LGR4: variants seen among roughly 807,000 people sequenced by gnomAD.
LGR4 encodes leucine-rich repeat-containing G protein-coupled receptor 4.
A neutral mutation model predicts 84.8 loss-of-function variants in LGR4; 44 were observed. The ratio of observed to expected loss-of-function variants is 0.52; its 90% confidence interval spans 0.41 to 0.67. LGR4 has a LOEUF of 0.67. Among genes scored for constraint, LGR4 ranks in the 30% least tolerant of loss-of-function variants. The probability of loss-of-function intolerance (pLI) is 0.00; values close to 1 mark genes in which losing one functional copy is unlikely to be tolerated. For missense variants in LGR4, 1,032 were observed against 1,131.4 expected (o/e 0.91, Z 1.26); for synonymous variants, 429 against 434.3 (o/e 0.99, Z 0.15).
At chr11:27,461,358 T>C (rs79555978) in intron 1 of LGR4, among the ~76,000 whole-genome samples, 2 of 149,258 alleles carry the variant, frequency 1.3e-5, no homozygotes, top group Admixed American at 1.3e-4. Context: ...AAAAAAAAAA[T>C]AACACATAGG....
chr11:27,399,360 A>G (rs1029292566), intron 2 of LGR4, among the ~76,000 whole-genome samples: 2 of 152,116 alleles, frequency 1.3e-5, no homozygotes, highest in African/African-American at 4.8e-5. Flanking sequence ...CATATGTGTA[A>G]AGAACACTAG....
intron 1 of LGR4, among the ~76,000 whole-genome samples, chr11:27,413,228 G>A (rs910048687): frequency 1.3e-5 from 2 of 152,070 alleles, no homozygotes; most frequent in Admixed American, 1.3e-4. Context: ...GGAACGATAT[G>A]TAGAATTTAT....
intron 7 of LGR4, among the ~76,000 whole-genome samples, chr11:27,381,683 C>T (rs1264177183): frequency 1.4e-5 from 2 of 147,068 alleles, no homozygotes; most frequent in Non-Finnish European, 3.0e-5. Context: ...GAGTGAGACT[C>T]CGTCTCAAAA....
intron 1 of LGR4, among the ~76,000 whole-genome samples, 162 bp from the exon 2 acceptor site, chr11:27,413,022 C>G (rs1863740482): frequency 6.6e-6 from 1 of 152,076 alleles, no homozygotes. Context: ...TCAGAAAACA[C>G]AGAAAAGTTA....
intron 1 of LGR4, among the ~76,000 whole-genome samples, chr11:27,424,830 C>T (rs1022531193): frequency 1.3e-5 from 2 of 152,186 alleles, no homozygotes; most frequent in African/African-American, 4.8e-5. Context: ...CTCCCTGCAG[C>T]CTCTGCCTCC....
intron 17 of LGR4, among the ~76,000 whole-genome samples, chr11:27,369,425 AT>A (rs1302984775): frequency 1.3e-5 from 2 of 152,126 alleles, no homozygotes; most frequent in Admixed American, 1.3e-4. Flanking sequence ...GAAATTTTTC[AT>A]TTTTTCTTGC....
chr11:27,459,420 T>C (rs1565100583), intron 1 of LGR4, among the ~76,000 whole-genome samples: 1 of 152,116 alleles, frequency 6.6e-6, no homozygotes, highest in Non-Finnish European at 1.5e-5. Flanking sequence ...AGCGGGGGGT[T>C]TTTCCTCCTT....
chr11:27,408,328 T>C (rs1590369554), intron 2 of LGR4, among the ~76,000 whole-genome samples: 1 of 152,170 alleles, frequency 6.6e-6, no homozygotes, highest in Admixed American at 6.5e-5. Flanking sequence ...AGTTTCACTT[T>C]AGCATTGTGA....
At chr11:27,390,751 T>C (rs1439857989) in intron 4 of LGR4, among the ~76,000 whole-genome samples, 1 of 152,194 alleles carries the variant, frequency 6.6e-6, no homozygotes, top group African/African-American at 2.4e-5. Context: ...AGAAACCTCT[T>C]TGTGGCTGTT....
intron 1 of LGR4, among the ~76,000 whole-genome samples, chr11:27,456,826 C>A (rs1344925314): frequency 6.6e-6 from 1 of 152,144 alleles, no homozygotes; most frequent in African/African-American, 2.4e-5. Flanking sequence ...CTTCATTTTA[C>A]ACAACAGATT....
At chr11:27,421,947 T>C (rs1313948512) in intron 1 of LGR4, among the ~76,000 whole-genome samples, 1 of 152,168 alleles carries the variant, frequency 6.6e-6, no homozygotes, top group Non-Finnish European at 1.5e-5. Flanking sequence ...AACCCTACCA[T>C]CTGGCAACAC....
intron 2 of LGR4, among the ~76,000 whole-genome samples, chr11:27,408,392 T>C (rs36017984): frequency 0.011 from 1,734 of 152,268 alleles, 31 homozygotes; most frequent in African/African-American, 0.04. Flanking sequence ...CCTAGTCATA[T>C]AGTGTGCATT....
At chr11:27,409,600 T>C (rs1863672714) in intron 2 of LGR4, among the ~76,000 whole-genome samples, 1 of 152,114 alleles carries the variant, frequency 6.6e-6, no homozygotes, top group Admixed American at 6.6e-5. Flanking sequence ...ATTAAACTCC[T>C]TCAGAACAAG....
At chr11:27,447,579 T>C (rs927987429) in intron 1 of LGR4, among the ~76,000 whole-genome samples, 2 of 152,158 alleles carry the variant, frequency 1.3e-5, no homozygotes, top group African/African-American at 4.8e-5. Flanking sequence ...GAAATAACCA[T>C]AAAAATAGCT....
intron 1 of LGR4, among the ~76,000 whole-genome samples, chr11:27,459,676 C>A (rs1444858445): frequency 6.6e-6 from 1 of 151,834 alleles, no homozygotes; most frequent in Non-Finnish European, 1.5e-5. Context: ...GGGGTTTCAC[C>A]ATCTTGGCCA....
rs1217665813 is a variant in LGR4, at chr11:27,366,250, C to T, written c.*1617G>A. ...ACACACTGTAAATAAATCCTTCCCA[C>T]ATTTTATACAAACTACATGATTTTG... On this transcript the variant is annotated 3_prime_UTR_variant, in exon 18 of 18. Transcript: ENST00000379214. 1 of 152,514 alleles carries T rather than the reference C, an allele frequency of 6.6e-6. No homozygotes were observed. The highest frequency in any genetic ancestry group is 1.5e-5 in the Non-Finnish European group (1 of 67,948). 9.4% of individuals were successfully genotyped at this position (152,514 alleles called of 1,614,324 possible).
intron 1 of LGR4, among the ~76,000 whole-genome samples, chr11:27,458,772 C>T (rs985509068): frequency 1.3e-5 from 2 of 152,232 alleles, no homozygotes; most frequent in Non-Finnish European, 2.9e-5. Context: ...CTCCTGACCT[C>T]AGGTGATCCG....
intron 2 of LGR4, among the ~76,000 whole-genome samples, chr11:27,406,819 C>G (rs549085350): frequency 1.3e-5 from 2 of 152,254 alleles, no homozygotes; most frequent in East Asian, 3.9e-4. Context: ...AACTGAGGAA[C>G]TATTTTGCTT....
At chr11:27,433,040 T>C (rs1266298559) in intron 1 of LGR4, among the ~76,000 whole-genome samples, 2 of 152,246 alleles carry the variant, frequency 1.3e-5, no homozygotes, top group Admixed American at 6.5e-5. Flanking sequence ...GTTTGTATTA[T>C]GTAGGCTTTC....
Sources: allele counts gnomAD v4.1 joint callset (sites outside exome capture counted in the v4.1 genomes callset), GRCh38; gene constraint gnomAD v4.1.1; transcripts MANE v1.5; gene names NCBI Gene and HGNC (gene_info 2026-07-23, HGNC 2026-07-21).